NR5A2: variants seen among roughly 807,000 people sequenced by gnomAD.
NR5A2 encodes nuclear receptor subfamily 5 group A member 2, also known as CYP7A promoter-binding factor.
NR5A2 carries 26 observed loss-of-function variants against 62.7 expected under a neutral mutation model. The observed-to-expected ratio is 0.41, with a 90% CI of 0.30 to 0.58. The LOEUF (loss-of-function observed/expected upper bound fraction) is 0.58. Among genes scored for constraint, NR5A2 ranks in the 20% least tolerant of loss-of-function variants. NR5A2 has a pLI of 0.22. For synonymous variants in NR5A2, 246 were observed against 241.7 expected, an observed-to-expected ratio of 1.02 and a Z score of -0.16; for missense variants, 541 against 669.1, an observed-to-expected ratio of 0.81 and a Z score of 2.11.
chr1:200,104,756 G>A (rs1275780201), intron 5 of NR5A2, among the ~76,000 whole-genome samples: 8 of 152,252 alleles, frequency 5.3e-5, no homozygotes, highest in East Asian at 1.9e-4. Context: ...TCCGCCTTCC[G>A]GGTTCAAGCA....
chr1:200,148,513 A>G (rs187711645), intron 7 of NR5A2, among the ~76,000 whole-genome samples: 1 of 152,220 alleles, frequency 6.6e-6, no homozygotes, highest in East Asian at 1.9e-4. Flanking sequence ...TAATCTCACA[A>G]ACTCAGACTC....
In NR5A2 at chr1:200,147,668, G is replaced by A. The variant is rs1667771449; in HGVS notation, c.1379-26295G>A. ...TCGATTGAGTTGAAGTCGGACACGT[G>A]GAAGACATGGGTGGACTTGGGCTCC... On this transcript the variant is annotated intron_variant, in intron 7 of 7. Transcript: ENST00000367362. This position sits in a 1 kb window ranked among gnomAD's most constrained non-coding sequence, Gnocchi z 4.9. The A allele has an allele frequency of 2.9e-6, 2 of 695,318 alleles. No individual in the cohort carries two copies. The highest frequency in any genetic ancestry group is 1.8e-5 in the African/African-American group (1 of 56,312). The allele number at this position is 695,318 out of a possible 1,614,324, so 43.1% of individuals were successfully genotyped here.
chr1:200,053,121 A>G, intron 5 of NR5A2, among the ~76,000 whole-genome samples: 1 of 150,438 alleles, frequency 6.6e-6, no homozygotes, highest in East Asian at 1.9e-4. Flanking sequence ...AAAGATTGGA[A>G]TGAAAAAGAA....
At chr1:200,121,746 C>G (rs1263039854) in intron 7 of NR5A2, among the ~76,000 whole-genome samples, 1 of 152,168 alleles carries the variant, frequency 6.6e-6, no homozygotes, top group Non-Finnish European at 1.5e-5. Context: ...TATTGGCAGA[C>G]AGCTGAGGGA....
intron 5 of NR5A2, among the ~76,000 whole-genome samples, chr1:200,105,390 C>T (rs1665601055): frequency 6.6e-6 from 1 of 152,128 alleles, no homozygotes; most frequent in Non-Finnish European, 1.5e-5. Flanking sequence ...CCTAGGAAGC[C>T]TCCCCAAGAA....
chr1:200,132,880 G>C (rs943274177), intron 7 of NR5A2, among the ~76,000 whole-genome samples: 1 of 152,140 alleles, frequency 6.6e-6, no homozygotes, highest in Non-Finnish European at 1.5e-5. Flanking sequence ...CACCAATGTG[G>C]CCTCAGCCCT....
At chr1:200,097,965 A>G (rs1372817226) in intron 5 of NR5A2, among the ~76,000 whole-genome samples, 2 of 152,214 alleles carry the variant, frequency 1.3e-5, no homozygotes, top group Non-Finnish European at 2.9e-5. Flanking sequence ...TTTCAAAATC[A>G]TTACCTTGCA....
chr1:200,167,113 T>A (rs1246348134), intron 7 of NR5A2, among the ~76,000 whole-genome samples: 1 of 152,204 alleles, frequency 6.6e-6, no homozygotes, highest in Non-Finnish European at 1.5e-5. Context: ...ACCCATCAGC[T>A]GTACACTGAT....
At chr1:200,136,418 G>A (rs7534725) in intron 7 of NR5A2, among the ~76,000 whole-genome samples, 5 of 152,168 alleles carry the variant, frequency 3.3e-5, no homozygotes, top group African/African-American at 7.2e-5. Context: ...CAGTATGTTC[G>A]ATTATAATAG....
At position 200,111,276 on chromosome 1, in the gene NR5A2, G is replaced by T. The variant is rs766148640; in HGVS notation, c.1185G>T (p.Val395=). 2 of 1,612,558 alleles carry T rather than the reference G, an allele frequency of 1.2e-6. No individual in the cohort carries two copies. Among genetic ancestry groups the T allele is most frequent in the East Asian group, 4.5e-5 (2 of 44,844 alleles). The change falls in exon 6 of 8, where the codon GTG becomes GTT. Residue 395 remains valine, a synonymous_variant. Coordinates refer to ENST00000367362, the MANE Select transcript of NR5A2 (RefSeq NM_205860.3). ...LLILDHIYRQ[V]VHGKEGSIFL... Reference sequence around the variant, plus strand: ...TCCTCGACCACATTTACCGACAAGTGGTACATGGAAAGGAAGGATCCATCT... The same window carrying T: ...TCCTCGACCACATTTACCGACAAGTTGTACATGGAAAGGAAGGATCCATCT...
chr1:200,088,317 G>C (rs144120380), intron 5 of NR5A2, among the ~76,000 whole-genome samples: 1 of 151,818 alleles, frequency 6.6e-6, no homozygotes, highest in Non-Finnish European at 1.5e-5. Flanking sequence ...GAGTGCAGTC[G>C]CGCGATCCTG....
chr1:200,044,105 A>G, intron 3 of NR5A2: 1 of 419,180 alleles, frequency 2.4e-6, no homozygotes, highest in South Asian at 5.7e-5. Flanking sequence ...AAACTTTGCC[A>G]GTCTCATGGT....
chr1:200,079,469 A>G (rs1043299576), intron 5 of NR5A2, among the ~76,000 whole-genome samples: 13 of 152,238 alleles, frequency 8.5e-5, no homozygotes, highest in African/African-American at 3.1e-4. Flanking sequence ...GACAAGGGGA[A>G]ACAGGTGGAA....
At chr1:200,149,735 T>C (rs1329167940) in intron 7 of NR5A2, among the ~76,000 whole-genome samples, 1 of 152,202 alleles carries the variant, frequency 6.6e-6, no homozygotes, top group Non-Finnish European at 1.5e-5. Context: ...TGTGGGCTCC[T>C]CATCAACAGG....
intron 5 of NR5A2, among the ~76,000 whole-genome samples, chr1:200,099,766 G>A (rs906857641): frequency 6.6e-6 from 1 of 152,082 alleles, no homozygotes; most frequent in Non-Finnish European, 1.5e-5. Context: ...GCTAATTTTT[G>A]TATTTTTAGT....
At chr1:200,042,240 C>T (rs1395021755) in intron 2 of NR5A2, among the ~76,000 whole-genome samples, 1 of 152,114 alleles carries the variant, frequency 6.6e-6, no homozygotes, top group Non-Finnish European at 1.5e-5. Flanking sequence ...GGCTAACTCA[C>T]TCCCCTGTGA....
chr1:200,146,497 G>A (rs1017246010), intron 7 of NR5A2, among the ~76,000 whole-genome samples: 2 of 152,110 alleles, frequency 1.3e-5, no homozygotes, highest in African/African-American at 4.8e-5. Context: ...GAAACCACCT[G>A]GAATTCTTTA....
chr1:200,066,401 A>T (rs1010008757), intron 5 of NR5A2, among the ~76,000 whole-genome samples: 20 of 152,104 alleles, frequency 1.3e-4, no homozygotes, highest in African/African-American at 3.9e-4. Flanking sequence ...CTAAACAGAT[A>T]GAGCCAGGTG....
intron 7 of NR5A2, among the ~76,000 whole-genome samples, chr1:200,152,368 CAT>C (rs1653171480): frequency 6.6e-6 from 1 of 152,066 alleles, no homozygotes; most frequent in Non-Finnish European, 1.5e-5. Flanking sequence ...AAAGGTTTTC[CAT>C]ATGTTACTGT....
Sources: gnomAD v4.1 joint callset for allele counts (sites outside exome capture counted in the v4.1 genomes callset) on GRCh38, gnomAD v4.1.1 for gene constraint, Gnocchi (gnomAD v3.1) non-coding constraint, MANE v1.5 for transcripts, NCBI Gene and HGNC (gene_info 2026-07-23, HGNC 2026-07-21) for gene names.